The following EHBP1 variants were observed in gnomAD, a reference collection of about 807,000 sequenced individuals.
EHBP1 encodes the protein EH domain-binding protein 1.
In EHBP1, 55 loss-of-function variants were observed where a neutral mutation model predicts 144.0. The ratio of observed to expected loss-of-function variants is 0.38; its 90% CI spans 0.31 to 0.48. EHBP1 has a LOEUF of 0.48. Among genes scored for constraint, EHBP1 ranks in the 20% least tolerant of loss-of-function variants. The pLI is 0.98. For synonymous variants in EHBP1, 469 were observed against 472.7 expected (o/e 0.99, Z 0.10); for missense variants, 1,200 against 1,364.2 (o/e 0.88, Z 1.90).
chr2:63,001,587 G>T (rs2059851870), intron 19 of EHBP1, among the ~76,000 whole-genome samples: 1 of 152,122 alleles, frequency 6.6e-6, no homozygotes. Context: ...TTGGCTCTGT[G>T]GAAAGTGCTT....
intron 19 of EHBP1, among the ~76,000 whole-genome samples, chr2:63,012,838 C>T (rs139775793): frequency 1.3e-5 from 2 of 152,222 alleles, no homozygotes; most frequent in Non-Finnish European, 2.9e-5. Context: ...CAAGGGCAAC[C>T]ACAAGGATTT....
intron 10 of EHBP1, among the ~76,000 whole-genome samples, chr2:62,897,105 C>T (rs1201858085): frequency 1.3e-5 from 2 of 152,198 alleles, no homozygotes; most frequent in Non-Finnish European, 2.9e-5. Context: ...ATAACCACTA[C>T]TATTAGCTTC....
At chr2:62,688,306 C>G (rs1426839218) in intron 1 of EHBP1, among the ~76,000 whole-genome samples, 1 of 152,144 alleles carries the variant, frequency 6.6e-6, no homozygotes, top group African/African-American at 2.4e-5. Context: ...TCAGTATTTA[C>G]TGAGTATCTT....
At chr2:62,696,195 G>T (rs1242073500) in intron 1 of EHBP1, among the ~76,000 whole-genome samples, 2 of 136,252 alleles carry the variant, frequency 1.5e-5, no homozygotes, top group Non-Finnish European at 3.1e-5. Flanking sequence ...TTTTGAGACA[G>T]AGTCTCACTC....
intron 1 of EHBP1, among the ~76,000 whole-genome samples, chr2:62,686,883 C>T (rs145784738): frequency 1.3e-5 from 2 of 152,292 alleles, no homozygotes; most frequent in Admixed American, 1.3e-4. Flanking sequence ...ATTTGTCAAG[C>T]ACTTACTATG....
chr2:63,024,884 T>C (rs973965239), intron 19 of EHBP1, among the ~76,000 whole-genome samples: 1 of 151,636 alleles, frequency 6.6e-6, no homozygotes, highest in Admixed American at 6.6e-5. Context: ...TAGTCTCAGC[T>C]ACTCAGGAGG....
At chr2:62,714,720 G>C (rs1046758149) in intron 2 of EHBP1, among the ~76,000 whole-genome samples, 12 of 152,296 alleles carry the variant, frequency 7.9e-5, no homozygotes, top group Admixed American at 4.6e-4. Context: ...GAACTATCTA[G>C]AGAGAAAGGT....
intron 10 of EHBP1, among the ~76,000 whole-genome samples, chr2:62,915,785 T>C (rs990827504): frequency 1.3e-5 from 2 of 152,134 alleles, no homozygotes. Flanking sequence ...GTATATACGA[T>C]AACAACGTAC....
chr2:62,856,110 G>T (rs191914746), intron 7 of EHBP1, among the ~76,000 whole-genome samples: 326 of 152,276 alleles, frequency 2.1e-3, no homozygotes, highest in Non-Finnish European at 3.8e-3. Context: ...CCCTCCACTT[G>T]CCTGTGTACC....
At chr2:62,799,838 CTA>C (rs2043844529) in intron 5 of EHBP1, among the ~76,000 whole-genome samples, 1 of 152,314 alleles carries the variant, frequency 6.6e-6, no homozygotes, top group Non-Finnish European at 1.5e-5. Context: ...GGTGTTTTAT[CTA>C]TATCCTTCAG....
In EHBP1 at chr2:62,870,679, G is replaced by A. The variant is rs1042061407; in HGVS notation, c.999-3667G>A. Among the ~76,000 whole-genome samples, 7 of 133,820 alleles carry A rather than the reference G, an allele frequency of 5.2e-5. No homozygotes were observed. In the Admixed American group the frequency reaches 5.9e-4, roughly 11 times the overall value. The allele number at this position is 133,820 out of a possible 152,430, so 87.8% of individuals were successfully genotyped here. A position where few individuals can be genotyped will look rare whatever the true frequency, so the allele number is the denominator to read the frequency against. On this transcript the variant is annotated intron_variant, in intron 9 of 22. Coordinates refer to ENST00000431489, the MANE Select transcript of EHBP1 (RefSeq NM_001142616.3). The stretch of plus-strand genomic sequence containing the variant: ...TGCAGTGAGCCCAGATCATGCCACT[G>A]TACTCCAGCCTGGGCAACAGAGCGA...
intron 2 of EHBP1, among the ~76,000 whole-genome samples, chr2:62,728,882 T>G (rs1259681873): frequency 1.3e-5 from 2 of 152,068 alleles, no homozygotes; most frequent in African/African-American, 4.8e-5. Context: ...TTTTATAATT[T>G]TAACTCTTAC....
intron 2 of EHBP1, among the ~76,000 whole-genome samples, chr2:62,743,376 T>C (rs929252551): frequency 2.6e-5 from 4 of 152,112 alleles, no homozygotes; most frequent in Non-Finnish European, 5.9e-5. Context: ...ATAGTTTCTT[T>C]AAGCTAAGGT....
At chr2:62,930,587 G>T (rs2055904639) in intron 10 of EHBP1, among the ~76,000 whole-genome samples, 3 of 152,074 alleles carry the variant, frequency 2.0e-5, no homozygotes. Context: ...GCCTCGAAAA[G>T]AACAAGAGTG....
intron 14 of EHBP1, among the ~76,000 whole-genome samples, chr2:62,965,504 T>G (rs894208594): frequency 2.0e-5 from 3 of 152,230 alleles, no homozygotes; most frequent in African/African-American, 7.2e-5. Flanking sequence ...CTTGACTGAT[T>G]GCTTATATGT....
intron 19 of EHBP1, among the ~76,000 whole-genome samples, chr2:63,020,523 AAAG>A (rs1352933100): frequency 6.6e-6 from 1 of 151,526 alleles, no homozygotes; most frequent in Non-Finnish European, 1.5e-5. Flanking sequence ...AAGAAAGAAA[AAAG>A]AAAGAAAAGA....
chr2:62,838,563 G>C (rs924540832), intron 7 of EHBP1, among the ~76,000 whole-genome samples: 1 of 151,982 alleles, frequency 6.6e-6, no homozygotes, highest in Non-Finnish European at 1.5e-5. Context: ...CTGGTTTTTT[G>C]AAAGGATCAA....
intron 19 of EHBP1, among the ~76,000 whole-genome samples, chr2:63,015,596 C>G (rs907242378): frequency 6.6e-6 from 1 of 152,006 alleles, no homozygotes; most frequent in Non-Finnish European, 1.5e-5. Flanking sequence ...ATTACGTTGC[C>G]TCATCCTACC....
intron 6 of EHBP1, among the ~76,000 whole-genome samples, chr2:62,830,005 A>C (rs2046684879): frequency 6.6e-6 from 1 of 151,176 alleles, no homozygotes; most frequent in South Asian, 2.1e-4. Context: ...TACCCAGAAA[A>C]AAATAAGTTA....
Sources: gnomAD v4.1 joint callset for allele counts (sites outside exome capture counted in the v4.1 genomes callset) on GRCh38, gnomAD v4.1.1 for gene constraint, MANE v1.5 for transcripts, NCBI Gene and HGNC (gene_info 2026-07-23, HGNC 2026-07-21) for gene names.